LHX4: variants seen among roughly 807,000 people sequenced by gnomAD.
LHX4 encodes LIM/homeobox protein Lhx4.
LHX4 carries 16 observed loss-of-function variants against 39.2 expected under a neutral mutation model. The observed-to-expected ratio is 0.41, with a 90% CI of 0.28 to 0.62. LHX4 has a LOEUF of 0.62. LHX4 is among the 20% of genes least tolerant of loss of function. The pLI is 0.33. For synonymous variants in LHX4, 206 were observed against 198.1 expected (o/e 1.04, Z -0.33); for missense variants, 439 against 511.9 (o/e 0.86, Z 1.37).
intron 2 of LHX4, among the ~76,000 whole-genome samples, chr1:180,249,845 G>A (rs535920218): frequency 3.3e-5 from 5 of 152,044 alleles, no homozygotes; most frequent in African/African-American, 1.2e-4. Flanking sequence ...ACGGTACTTT[G>A]CTCAGATATG....
chr1:180,229,973 G>T (rs1351450892), upstream of LHX4, among the ~76,000 whole-genome samples: 10 of 143,724 alleles, frequency 7.0e-5, 1 homozygote, highest in South Asian at 4.5e-4. Flanking sequence ...GAGGGGGGGG[G>T]GGTGCCGGCT....
At position 180,274,790 on chromosome 1, in the gene LHX4, A is replaced by T; in HGVS notation, c.*211A>T. ...AGTGGGAGAGCAGACTCATCTCAGA[A>T]CACAGCACAGGGGGTAATGGCCTAG... On this transcript the variant is annotated 3_prime_UTR_variant, in exon 6 of 6. Coordinates refer to ENST00000263726, the MANE Select transcript of LHX4 (RefSeq NM_033343.4). The T allele has an allele frequency of 1.7e-6, 1 of 584,076 alleles. No homozygotes were observed. Among genetic ancestry groups the T allele is most frequent in the Non-Finnish European group, 3.0e-6 (1 of 336,788 alleles). The allele number at this position is 584,076 out of a possible 1,614,324, so 36.2% of individuals were successfully genotyped here.
rs1473135647 is a variant in LHX4 at position 180,278,687 on chromosome 1, G to A, written c.*4108G>A. ...GCCAAACAAGCAGGTTCAGGGCTGC[G>A]GGATTCCAGAAGTTGCTCTGAGCTT... On this transcript the variant is annotated 3_prime_UTR_variant, in exon 6 of 6. Coordinates refer to ENST00000263726, the MANE Select transcript of LHX4 (RefSeq NM_033343.4). 5 of 151,516 alleles carry A rather than the reference G, an allele frequency of 3.3e-5. No individual in the cohort carries two copies. Among genetic ancestry groups the A allele is most frequent in the Admixed American group, 2.0e-4 (3 of 15,122 alleles). The allele number at this position is 151,516 out of a possible 1,614,324, so 9.4% of individuals were successfully genotyped here.
chr1:180,275,567 A>G lies in LHX4; in HGVS notation c.*988A>G, dbSNP rs1558228520. 6.6e-6 allele frequency: 1 copy of G among 152,290 alleles called. No homozygotes were observed. The highest frequency in any genetic ancestry group is 1.9e-4 in the East Asian group (1 of 5,184). The allele number at this position is 152,290 out of a possible 1,614,324, so 9.4% of individuals were successfully genotyped here. On this transcript the variant is annotated 3_prime_UTR_variant, in exon 6 of 6. Coordinates refer to ENST00000263726, the MANE Select transcript of LHX4 (RefSeq NM_033343.4). ...GGTGAAATATTTGGAGTCTGTTTTGAAGGAGTTGGTTTAGATGAGCTTGCA... is the reference window on the plus strand; with the variant it reads ...GGTGAAATATTTGGAGTCTGTTTTGGAGGAGTTGGTTTAGATGAGCTTGCA...
chr1:180,228,589 A>C (rs945073021), upstream of LHX4, among the ~76,000 whole-genome samples: 1 of 152,208 alleles, frequency 6.6e-6, no homozygotes, highest in Non-Finnish European at 1.5e-5. Context: ...AAACACTAAA[A>C]ATGTCACTGG....
chr1:180,247,765 C>T (rs1188204147), intron 1 of LHX4, among the ~76,000 whole-genome samples: 3 of 152,206 alleles, frequency 2.0e-5, no homozygotes, highest in African/African-American at 7.2e-5. Context: ...CAGGCTTGGA[C>T]CTTGATCACT....
chr1:180,264,519 A>T (rs1246257897), intron 2 of LHX4, among the ~76,000 whole-genome samples: 3 of 152,172 alleles, frequency 2.0e-5, no homozygotes, highest in Non-Finnish European at 4.4e-5. Context: ...GTCTAGAACC[A>T]TCCAGAGCCG....
intron 1 of LHX4, among the ~76,000 whole-genome samples, chr1:180,244,867 G>C (rs541115768): frequency 2.6e-4 from 39 of 152,312 alleles, no homozygotes; most frequent in African/African-American, 7.2e-4. Flanking sequence ...AGAAGTCCCT[G>C]ACCTGACTCC....
chr1:180,255,106 C>T (rs956583906), intron 2 of LHX4, among the ~76,000 whole-genome samples: 3 of 152,236 alleles, frequency 2.0e-5, no homozygotes, highest in African/African-American at 4.8e-5. Flanking sequence ...CCTCAGCGCT[C>T]GCTCGCATCA....
intron 2 of LHX4, among the ~76,000 whole-genome samples, chr1:180,252,814 A>AG (rs939538124): frequency 5.3e-5 from 8 of 152,192 alleles, no homozygotes; most frequent in Non-Finnish European, 8.8e-5. Context: ...AACTGGCAGC[A>AG]GGGGGCGATG....
At position 180,231,681 on chromosome 1, in the gene LHX4, T is replaced by C. The variant is rs145031224; in HGVS notation, c.76+1076T>C. ...GTTCCTCGCTCCGCTTGCCAAGGGG[T>C]TGTACTTCCGCCTGCGACTTCTTTA... On this transcript the variant is annotated intron_variant, in intron 1 of 5. Coordinates refer to ENST00000263726, the MANE Select transcript of LHX4 (RefSeq NM_033343.4). Among the ~76,000 whole-genome samples the C allele has an allele frequency of 5.7e-3, 863 of 150,762 alleles. 48 individuals are homozygous for C. The highest frequency in any genetic ancestry group is 0.043 in the Admixed American group (653 of 15,214).
Position 180,275,761 on chromosome 1 carries a change from G to GCAT in LHX4, c.*1184_*1186dup, listed in dbSNP as rs1298986769. On this transcript the variant is annotated 3_prime_UTR_variant, in exon 6 of 6. Coordinates refer to ENST00000263726, the MANE Select transcript of LHX4 (RefSeq NM_033343.4). Reference sequence around the variant, plus strand: ...AAGGGTTCTAAGTGGTTCTTGGGCTGCATCTCTCTGGATTGCTGGCTGGAC... The same window carrying GCAT: ...AAGGGTTCTAAGTGGTTCTTGGGCTGCATCATCTCTCTGGATTGCTGGCTGGAC... 1.3e-5 allele frequency: 2 copies of GCAT among 152,234 alleles called. No homozygotes were observed. Among genetic ancestry groups the GCAT allele is most frequent in the Non-Finnish European group, 2.9e-5 (2 of 68,066 alleles). The allele number at this position is 152,234 out of a possible 1,614,324, so 9.4% of individuals were successfully genotyped here.
rs1664156333 is a variant in LHX4 at position 180,230,693 on chromosome 1, G to A, written c.76+88G>A. ...GCGGGGCGGGCCGGACGCCGCTCAG[G>A]GGCCGGGAGGGGCTGGCGGCCGGGG... On this transcript the variant is annotated intron_variant, in intron 1 of 5. Coordinates refer to ENST00000263726, the MANE Select transcript of LHX4 (RefSeq NM_033343.4). The surrounding 1 kb of genome is among the most constrained non-coding windows in gnomAD (Gnocchi z 5.8). 1 of 1,266,384 alleles carries A rather than the reference G, an allele frequency of 7.9e-7. No homozygotes were observed. 78.4% of individuals were successfully genotyped at this position (1,266,384 alleles called of 1,614,324 possible).
At chr1:180,268,902 T>C (rs1648454981) in intron 3 of LHX4, among the ~76,000 whole-genome samples, 1 of 152,142 alleles carries the variant, frequency 6.6e-6, no homozygotes, top group African/African-American at 2.4e-5. Flanking sequence ...TCCTTGCTAC[T>C]CTCAGCCCTC....
At chr1:180,255,514 C>G (rs56039422) in intron 2 of LHX4, among the ~76,000 whole-genome samples, 39 of 152,366 alleles carry the variant, frequency 2.6e-4, no homozygotes, top group Non-Finnish European at 5.1e-4. Flanking sequence ...AGTCTAATTT[C>G]CTCGCTAAGC....
intron 3 of LHX4, chr1:180,269,663 T>C (rs1033321907): frequency 3.3e-5 from 5 of 152,224 alleles, no homozygotes; most frequent in African/African-American, 4.8e-5. Flanking sequence ...TTTTTGGTGA[T>C]TGCATTATTT....
rs777438399 is a variant in LHX4 at position 180,234,169 on chromosome 1, T to TTATATATATATATA, written c.76+3603_76+3616dup. Reference sequence around the variant, plus strand: ...AACAGACACACACAACACACACAAATTATATATATATATATATATATATAT... The same window carrying TTATATATATATATA: ...AACAGACACACACAACACACACAAATTATATATATATATATATATATATATATATATATATATAT... On this transcript the variant is annotated intron_variant, in intron 1 of 5. Transcript: ENST00000263726. This position sits in a 1 kb window ranked among gnomAD's most constrained non-coding sequence, Gnocchi z 4.8. Among the ~76,000 whole-genome samples the TTATATATATATATA allele has an allele frequency of 1.7e-4, 9 of 53,596 alleles. No homozygotes were observed. The highest frequency in any genetic ancestry group is 3.2e-4 in the Non-Finnish European group (9 of 28,466). The allele number at this position is 53,596 out of a possible 152,430, so 35.2% of individuals were successfully genotyped here.
chr1:180,238,842 G>A (rs557916818), intron 1 of LHX4, among the ~76,000 whole-genome samples: 65 of 152,306 alleles, frequency 4.3e-4, no homozygotes, highest in African/African-American at 1.5e-3. Context: ...CAGGGTTGGG[G>A]GGCGGCACAC....
At chr1:180,252,188 C>T (rs564488715) in intron 2 of LHX4, among the ~76,000 whole-genome samples, 3 of 152,190 alleles carry the variant, frequency 2.0e-5, no homozygotes, top group Non-Finnish European at 2.9e-5. Context: ...TCACCAGGCA[C>T]CTCTTTCAGA....
Sources: gnomAD v4.1 joint callset for allele counts (sites outside exome capture counted in the v4.1 genomes callset) on GRCh38, gnomAD v4.1.1 for gene constraint, Gnocchi (gnomAD v3.1) non-coding constraint, MANE v1.5 for transcripts, NCBI Gene and HGNC (gene_info 2026-07-23, HGNC 2026-07-21) for gene names.